LYPD6: variants seen among roughly 807,000 people sequenced by gnomAD.
The protein encoded by LYPD6 is LY6/PLAUR domain containing 6, also known as ly6/PLAUR domain-containing protein 6.
A neutral mutation model predicts 22.7 loss-of-function variants in LYPD6; 15 were observed. That is an observed-to-expected ratio of 0.66 (90% CI 0.44 to 1.02). LYPD6 has a LOEUF of 1.02. Ranked by LOEUF, LYPD6 falls within the 50% of genes least tolerant of loss-of-function variation. The pLI, the probability that LYPD6 is intolerant of heterozygous loss-of-function variation, is 0.00. For missense variants in LYPD6, 189 were observed against 208.4 expected, an observed-to-expected ratio of 0.91 and a Z score of 0.57; for synonymous variants, 72 against 77.5, an observed-to-expected ratio of 0.93 and a Z score of 0.37.
At chr2:149,336,696 C>T (rs1681040756) in intron 1 of LYPD6, among the ~76,000 whole-genome samples, 1 of 152,114 alleles carries the variant, frequency 6.6e-6, no homozygotes, top group African/African-American at 2.4e-5. Flanking sequence ...TTTTTATTAT[C>T]TTCTTTTACC....
At chr2:149,444,186 G>A (rs1483293501) in intron 2 of LYPD6, among the ~76,000 whole-genome samples, 2 of 152,076 alleles carry the variant, frequency 1.3e-5, no homozygotes, top group Non-Finnish European at 2.9e-5. Context: ...CACCTGACTC[G>A]GCCTCCCAAA....
Position 149,337,384 on chromosome 2 carries a change from C to T in LYPD6, c.-72+6662C>T, listed in dbSNP as rs148192321. Among the ~76,000 whole-genome samples the T allele has an allele frequency of 3.6e-3, 548 of 152,092 alleles. 5 individuals carry two copies. Among genetic ancestry groups the T allele is most frequent in the African/African-American group, 0.013 (530 of 41,486 alleles). On this transcript the variant is annotated intron_variant, in intron 1 of 4. Transcript: ENST00000334166. ...CCTGGCAGTCTTTGTATTATATGAC[C>T]CCTGGGCCACAAAAGTGGTTTGTGC...
chr2:149,408,423 C>CT lies in LYPD6; in HGVS notation c.-71-29212dup, dbSNP rs565131232. Reference sequence around the variant, plus strand: ...TTTTGCATTGAATTTCCCAGGTGTTCTTTGAGTTTCTTCTATTTGAATATC... The same window carrying CT: ...TTTTGCATTGAATTTCCCAGGTGTTCTTTTGAGTTTCTTCTATTTGAATATC... On this transcript the variant is annotated intron_variant, in intron 1 of 4. Transcript: ENST00000334166. 3.4e-3 allele frequency among the ~76,000 whole-genome samples: 520 copies of CT among 152,254 alleles called. 2 individuals are homozygous for CT. The highest frequency in any genetic ancestry group is 0.012 in the African/African-American group (489 of 41,548).
chr2:149,378,807 A>G (rs892975175), intron 1 of LYPD6, among the ~76,000 whole-genome samples: 9 of 151,924 alleles, frequency 5.9e-5, no homozygotes, highest in African/African-American at 9.7e-5. Context: ...TTTTTCCTCC[A>G]CTTCTGGGGC....
chr2:149,404,397 C>A (rs1276551196), intron 1 of LYPD6, among the ~76,000 whole-genome samples: 1 of 152,162 alleles, frequency 6.6e-6, no homozygotes, highest in Non-Finnish European at 1.5e-5. Context: ...TTTGTATCCT[C>A]TTTTACTTCA....
chr2:149,449,009 T>C (rs1257151204), intron 2 of LYPD6, 40 bp from the exon 3 acceptor site: 1 of 1,428,864 alleles, frequency 7.0e-7, no homozygotes, highest in Non-Finnish European at 9.8e-7. Flanking sequence ...TTCTGTGCCT[T>C]GTCTAAAAAT....
intron 2 of LYPD6, among the ~76,000 whole-genome samples, chr2:149,440,752 G>C (rs1441095517): frequency 7.3e-6 from 1 of 136,880 alleles, no homozygotes; most frequent in Non-Finnish European, 1.5e-5. Context: ...CCAGGCTGGA[G>C]TGCAGTGGTG....
chr2:149,469,336 A>G (rs1319951139), intron 4 of LYPD6, among the ~76,000 whole-genome samples: 1 of 152,158 alleles, frequency 6.6e-6, no homozygotes, highest in Non-Finnish European at 1.5e-5. Flanking sequence ...GTACAGAAGC[A>G]CTCAGTGTAA....
chr2:149,461,154 A>T (rs1008130218), intron 3 of LYPD6, among the ~76,000 whole-genome samples: 4 of 152,030 alleles, frequency 2.6e-5, no homozygotes, highest in Non-Finnish European at 4.4e-5. Flanking sequence ...ACTCAATGAG[A>T]ATACATATAC....
At chr2:149,435,446 G>A (rs1683409536) in intron 1 of LYPD6, among the ~76,000 whole-genome samples, 1 of 152,220 alleles carries the variant, frequency 6.6e-6, no homozygotes, top group African/African-American at 2.4e-5. Context: ...CAGATTGGGA[G>A]GAGATGGGGG....
intron 1 of LYPD6, among the ~76,000 whole-genome samples, chr2:149,424,995 G>A (rs1470811726): frequency 6.6e-6 from 1 of 152,138 alleles, no homozygotes; most frequent in Non-Finnish European, 1.5e-5. Context: ...GGGAGTCCAG[G>A]GCATTCCACA....
chr2:149,417,631 T>C (rs1682993032), intron 1 of LYPD6, among the ~76,000 whole-genome samples: 1 of 152,166 alleles, frequency 6.6e-6, no homozygotes, highest in Non-Finnish European at 1.5e-5. Context: ...ATGTGTTAAA[T>C]TTTTGATGCT....
chr2:149,412,938 A>G (rs1573786485), intron 1 of LYPD6, among the ~76,000 whole-genome samples: 1 of 152,204 alleles, frequency 6.6e-6, no homozygotes, highest in African/African-American at 2.4e-5. Context: ...TTTTGAGCCT[A>G]GAAGCCCAGA....
chr2:149,432,123 A>T (rs553155139), intron 1 of LYPD6, among the ~76,000 whole-genome samples: 1 of 152,284 alleles, frequency 6.6e-6, no homozygotes, highest in South Asian at 2.1e-4. Context: ...GTTGGTGAGG[A>T]TGTGGGGAAA....
intron 2 of LYPD6, among the ~76,000 whole-genome samples, chr2:149,445,566 A>T (rs923887026): frequency 6.6e-6 from 1 of 152,336 alleles, no homozygotes; most frequent in South Asian, 2.1e-4. Context: ...AGCACTTTCC[A>T]TTATACCTTA....
At chr2:149,359,165 C>A (rs1443765429) in intron 1 of LYPD6, among the ~76,000 whole-genome samples, 3 of 152,096 alleles carry the variant, frequency 2.0e-5, no homozygotes, top group Admixed American at 6.5e-5. Flanking sequence ...AAAAAATTAA[C>A]ATTATATATG....
At chr2:149,359,065 T>C (rs1310425636) in intron 1 of LYPD6, among the ~76,000 whole-genome samples, 4 of 152,168 alleles carry the variant, frequency 2.6e-5, no homozygotes, top group Admixed American at 2.6e-4. Context: ...TTTTTCAGTA[T>C]CAAATTTTAA....
intron 1 of LYPD6, among the ~76,000 whole-genome samples, chr2:149,381,335 G>A (rs764236299): frequency 2.0e-5 from 3 of 152,110 alleles, no homozygotes; most frequent in Non-Finnish European, 4.4e-5. Flanking sequence ...GTTAAGATAC[G>A]GAGGGGAGAA....
At chr2:149,370,011 C>T (rs1035614066) in intron 1 of LYPD6, among the ~76,000 whole-genome samples, 16 of 152,006 alleles carry the variant, frequency 1.1e-4, no homozygotes, top group Admixed American at 3.9e-4. Context: ...GAACGGGCCA[C>T]GGCTCTCACC....
Sources: allele counts gnomAD v4.1 joint callset (sites outside exome capture counted in the v4.1 genomes callset), GRCh38; gene constraint gnomAD v4.1.1; transcripts MANE v1.5; gene names NCBI Gene and HGNC (gene_info 2026-07-23, HGNC 2026-07-21).